The following LRRC66 variants were observed in gnomAD, a reference collection of about 807,000 sequenced individuals.
LRRC66 encodes the protein leucine-rich repeat-containing protein 66.
LRRC66 carries 29 observed loss-of-function variants against 24.6 expected under a neutral mutation model. The observed-to-expected ratio is 1.18, with a 90% CI of 0.88 to 1.61. The LOEUF (loss-of-function observed/expected upper bound fraction) is 1.61. Ranked by LOEUF, LRRC66 falls within the 40% of genes most tolerant of loss-of-function variation. The probability of loss-of-function intolerance (pLI) is 0.00; values close to 1 mark genes in which losing one functional copy is unlikely to be tolerated. For missense variants in LRRC66, 1,124 were observed against 1,058.0 expected, an observed-to-expected ratio of 1.06 and a Z score of -0.87; for synonymous variants, 411 against 397.6, an observed-to-expected ratio of 1.03 and a Z score of -0.40.
intron 3 of LRRC66, among the ~76,000 whole-genome samples, chr4:52,001,519 C>T (rs1189881465): frequency 6.6e-6 from 1 of 152,114 alleles, no homozygotes; most frequent in African/African-American, 2.4e-5. Flanking sequence ...GCGACAGTGG[C>T]CACTTTAAAA....
chr4:52,015,965 CTT>C (rs1182136757), intron 2 of LRRC66, among the ~76,000 whole-genome samples: 1 of 152,028 alleles, frequency 6.6e-6, no homozygotes, highest in Non-Finnish European at 1.5e-5. Context: ...ACATGAATGA[CTT>C]TAATTTTTCC....
At chr4:52,016,238 T>G (rs1736806267) in intron 2 of LRRC66, among the ~76,000 whole-genome samples, 1 of 152,030 alleles carries the variant, frequency 6.6e-6, no homozygotes, top group South Asian at 2.1e-4. Context: ...AGAAAGAGCA[T>G]GAAGATAAAA....
chr4:52,002,351 C>T (rs1445208754), intron 3 of LRRC66, among the ~76,000 whole-genome samples: 1 of 151,758 alleles, frequency 6.6e-6, no homozygotes, highest in African/African-American at 2.4e-5. Flanking sequence ...TGGGAGTTGT[C>T]GTGGAGGTTA....
chr4:51,996,344 T>C (rs1736317644), intron 4 of LRRC66, among the ~76,000 whole-genome samples, 179 bp from the exon 5 acceptor site: 1 of 152,112 alleles, frequency 6.6e-6, no homozygotes, highest in Non-Finnish European at 1.5e-5. Flanking sequence ...ACTCCTGGGC[T>C]CAAGTGATCC....
intron 2 of LRRC66, among the ~76,000 whole-genome samples, chr4:52,006,156 A>C (rs1341925869): frequency 1.3e-5 from 2 of 152,150 alleles, no homozygotes; most frequent in African/African-American, 4.8e-5. Context: ...TTCCTCAGGG[A>C]TCTAGAACTA....
intron 2 of LRRC66, among the ~76,000 whole-genome samples, chr4:52,013,407 C>A (rs1472739021): frequency 6.6e-6 from 1 of 152,138 alleles, no homozygotes; most frequent in East Asian, 1.9e-4. Context: ...TAACTGGAAT[C>A]CCAACAAGAT....
In LRRC66 at chr4:52,017,415, C is replaced by T. The variant is rs1239734982; in HGVS notation, c.199G>A (p.Val67Ile). 2 of 1,614,010 alleles carry T rather than the reference C, an allele frequency of 1.2e-6. No homozygotes were observed. The highest frequency in any genetic ancestry group is 1.7e-5 in the Admixed American group (1 of 59,996). ...DISQTAATVD[V>I]SFNFFRVLLQ... ...AGAACTCTAAAGAAATTGAAACTTA[C>T]ATCCACAGTGGCTGCTGTCTGTGAT... Residue 67 changes from valine to isoleucine, a missense_variant, in exon 2 of 5, where the codon GTA (valine) becomes ATA (isoleucine). Coordinates refer to ENST00000682860, the MANE Select transcript of LRRC66 (RefSeq NM_001024611.3).
chr4:51,995,966 CA>C lies in LRRC66; in HGVS notation c.1055del (p.Leu352ArgfsTer98), dbSNP rs1466182297. 7 of 1,614,034 alleles carry C rather than the reference CA, an allele frequency of 4.3e-6. No homozygotes were observed. Among genetic ancestry groups the C allele is most frequent in the Non-Finnish European group, 5.9e-6 (7 of 1,179,990 alleles). ...GSGLRKKQRRLPRSVRSTRDV... is the reference protein window; with the variant it reads ...GSGLRKKQRRXPRSVRSTRDV... Reference sequence around the variant, plus strand: ...CGCGGGTGCTTCTAACACTCCTTGGCAGCCGTCTCTGCTTCTTCCTGAGACC... The same window carrying C: ...CGCGGGTGCTTCTAACACTCCTTGGCGCCGTCTCTGCTTCTTCCTGAGACC... On this transcript the variant is annotated frameshift_variant, in exon 5 of 5. Coordinates refer to ENST00000682860, the MANE Select transcript of LRRC66 (RefSeq NM_001024611.3). LOFTEE classifies it low-confidence loss of function (END_TRUNC).
intron 2 of LRRC66, among the ~76,000 whole-genome samples, chr4:52,006,624 C>T (rs1315541266): frequency 6.1e-5 from 9 of 147,590 alleles, no homozygotes; most frequent in Non-Finnish European, 1.0e-4. Context: ...GTGGGTGCAG[C>T]GCACCAGCAT....
chr4:52,018,316 T>A (rs889009853), intron 1 of LRRC66: 3 of 984,792 alleles, frequency 3.0e-6, no homozygotes, highest in East Asian at 1.1e-4. Context: ...GAGAAAAAAT[T>A]CAAAGTTTTT....
intron 4 of LRRC66, among the ~76,000 whole-genome samples, chr4:51,996,869 A>T (rs1736334099): frequency 6.6e-6 from 1 of 151,574 alleles, no homozygotes; most frequent in Non-Finnish European, 1.5e-5. Context: ...AATCTTACCG[A>T]CTCTGTGTGC....
chr4:52,004,255 G>A (rs764566234), intron 2 of LRRC66, among the ~76,000 whole-genome samples: 28 of 152,122 alleles, frequency 1.8e-4, no homozygotes, highest in Non-Finnish European at 4.1e-4. Context: ...GTGATCCACC[G>A]CCTTGGCCTC....
At chr4:52,018,682 C>T (rs1381010810) in intron 1 of LRRC66, 11 of 793,096 alleles carry the variant, frequency 1.4e-5, no homozygotes, top group Non-Finnish European at 1.7e-5. Flanking sequence ...CCTCAAAGGG[C>T]TCCTTATTGC....
At position 51,997,933 on chromosome 4, in the gene LRRC66, A is replaced by G. The variant is rs772136201; in HGVS notation, c.671T>C (p.Ile224Thr). The change falls in exon 4 of 5, where the codon ATA becomes ACA. Residue 224 changes from isoleucine (I) to threonine (T), a missense_variant. By Grantham distance (89) the Ile-to-Thr change is moderately conservative. Coordinates refer to ENST00000682860, the MANE Select transcript of LRRC66 (RefSeq NM_001024611.3). ...AFKDLKKLQV[I>T]DLSNNALITI... ...AATCAGAGCATTGTTGCTAAGGTCT[A>G]TGACCTGTTTGAGAAGAAACAAGTT... is the stretch of plus-strand genomic sequence containing the variant. 3.7e-6 allele frequency: 6 copies of G among 1,612,144 alleles called. No homozygotes were observed. In the Admixed American group the frequency reaches 1.0e-4, roughly 27 times the overall value.
chr4:51,995,268 G>C lies in LRRC66; in HGVS notation c.1754C>G (p.Thr585Arg). The stretch of plus-strand genomic sequence containing the variant: ...TGTTAGCATTTTACAGAGGGAAGCT[G>C]TTATTTCTCCGGAGAGGGAAGGGTC... ...ELDPSLSGEI[T>R]ASLCKMLTHA... The change falls in exon 5 of 5, where the codon ACA (threonine) becomes AGA (arginine). Residue 585 changes from threonine to arginine, a missense_variant. Transcript: ENST00000682860. 1 of 1,614,234 alleles carries C rather than the reference G, an allele frequency of 6.2e-7. No individual in the cohort carries two copies. The highest frequency in any genetic ancestry group is 8.5e-7 in the Non-Finnish European group (1 of 1,180,046).
At chr4:52,017,863 CAT>C in intron 1 of LRRC66, 1 of 985,324 alleles carries the variant, frequency 1.0e-6, no homozygotes, top group Non-Finnish European at 1.2e-6. Context: ...TCAGAAAATA[CAT>C]ATTCAGTTAG....
intron 1 of LRRC66, among the ~76,000 whole-genome samples, chr4:52,018,848 ATTCCCAG>A (rs1414666611): frequency 6.6e-6 from 1 of 152,196 alleles, no homozygotes; most frequent in East Asian, 1.9e-4. Flanking sequence ...CTTTCAGTTC[ATTCCCAG>A]TTCCAAGTTC....
rs1736355039 is a variant in LRRC66 at position 51,997,733 on chromosome 4, A to T, written c.856+15T>A. The T allele has an allele frequency of 1.2e-6, 2 of 1,605,636 alleles. No homozygotes were observed. Among genetic ancestry groups the T allele is most frequent in the African/African-American group, 1.3e-5 (1 of 74,648 alleles). The stretch of plus-strand genomic sequence containing the variant: ...TTATAAATGGAGCCTTTTCAGAGAG[A>T]CATTACTGACTTACCTATAGACCTG... On this transcript the variant is annotated intron_variant, in intron 4 of 4. Transcript: ENST00000682860.
chr4:52,015,326 T>G, intron 2 of LRRC66, among the ~76,000 whole-genome samples: 1 of 151,464 alleles, frequency 6.6e-6, no homozygotes, highest in East Asian at 1.9e-4. Context: ...CAGAGGGTTT[T>G]GAAGAAAAAA....
Sources: gnomAD v4.1 joint callset for allele counts (sites outside exome capture counted in the v4.1 genomes callset) on GRCh38, gnomAD v4.1.1 for gene constraint, MANE v1.5 for transcripts, NCBI Gene and HGNC (gene_info 2026-07-23, HGNC 2026-07-21) for gene names.